MAML3: variants seen among roughly 807,000 people sequenced by gnomAD.
MAML3 encodes the protein mastermind-like protein 3.
A neutral mutation model predicts 101.9 loss-of-function variants in MAML3; 27 were observed. That is an observed-to-expected ratio of 0.27 (90% CI 0.20 to 0.37). The LOEUF is 0.37. Ranked by LOEUF, MAML3 falls within the 10% of genes least tolerant of loss-of-function variation. MAML3 has a pLI of 1.00. For synonymous variants in MAML3, 501 were observed against 555.9 expected (o/e 0.90, Z 1.39); for missense variants, 1,316 against 1,444.9 (o/e 0.91, Z 1.45).
At chr4:139,935,003 A>C (rs1733477221) in intron 1 of MAML3, among the ~76,000 whole-genome samples, 1 of 152,152 alleles carries the variant, frequency 6.6e-6, no homozygotes, top group African/African-American at 2.4e-5. Context: ...CATGTTTAGC[A>C]AAAGGTATCA....
intron 1 of MAML3, among the ~76,000 whole-genome samples, chr4:140,029,006 G>A (rs2276907): frequency 0.38 from 57,517 of 151,930 alleles, 13,272 homozygotes; most frequent in East Asian, 0.86. Flanking sequence ...TCCAGTCTTC[G>A]AGGTGAAACC....
At chr4:140,026,523 G>A (rs966245515) in intron 1 of MAML3, among the ~76,000 whole-genome samples, 4 of 152,002 alleles carry the variant, frequency 2.6e-5, no homozygotes, top group Admixed American at 2.6e-4. Flanking sequence ...CAAAGTGCTG[G>A]GATTACAGCC....
At chr4:139,874,805 C>CTTTTTTTTTT (rs35089838) in intron 2 of MAML3, among the ~76,000 whole-genome samples, 3 of 133,118 alleles carry the variant, frequency 2.3e-5, no homozygotes, top group African/African-American at 5.6e-5. Context: ...CCTATCTTTC[C>CTTTTTTTTTT]TTTTTTTTTT....
At chr4:139,994,786 G>GGT (rs59077923) in intron 1 of MAML3, among the ~76,000 whole-genome samples, 145 of 150,218 alleles carry the variant, frequency 9.7e-4, no homozygotes, top group African/African-American at 1.4e-3. Flanking sequence ...GCTGGTGGGG[G>GGT]GTGTGTGTGT....
chr4:139,900,036 A>G (rs12500600), intron 1 of MAML3, among the ~76,000 whole-genome samples: 42,160 of 150,218 alleles, frequency 0.28, 7,221 homozygotes, highest in East Asian at 0.57. Context: ...CAGAGTCCCA[A>G]GGGACTACGG....
At chr4:140,046,197 G>A (rs1257498443) in intron 1 of MAML3, among the ~76,000 whole-genome samples, 1 of 152,106 alleles carries the variant, frequency 6.6e-6, no homozygotes, top group Non-Finnish European at 1.5e-5. Context: ...AGAGTGATGG[G>A]GACCATTTCT....
At chr4:140,012,967 C>T (rs1322222070) in intron 1 of MAML3, among the ~76,000 whole-genome samples, 1 of 152,200 alleles carries the variant, frequency 6.6e-6, no homozygotes, top group Non-Finnish European at 1.5e-5. Flanking sequence ...CCGGTATCCA[C>T]GGAAATGACC....
At chr4:140,131,653 T>A (rs1728796411) in intron 1 of MAML3, among the ~76,000 whole-genome samples, 1 of 152,202 alleles carries the variant, frequency 6.6e-6, no homozygotes, top group Non-Finnish European at 1.5e-5. Flanking sequence ...TATTTCATTT[T>A]TTTCCCTCCC....
At chr4:140,035,891 C>T (rs1726979821) in intron 1 of MAML3, among the ~76,000 whole-genome samples, 1 of 152,148 alleles carries the variant, frequency 6.6e-6, no homozygotes, top group African/African-American at 2.4e-5. Flanking sequence ...CCCTTCGGAA[C>T]ACATTATCTA....
At chr4:139,981,933 T>A (rs1734452082) in intron 1 of MAML3, among the ~76,000 whole-genome samples, 1 of 152,238 alleles carries the variant, frequency 6.6e-6, no homozygotes, top group African/African-American at 2.4e-5. Flanking sequence ...ACGACTGATG[T>A]GAAGCTTCAT....
At chr4:139,884,311 A>G (rs1381809674) in intron 2 of MAML3, among the ~76,000 whole-genome samples, 1 of 152,240 alleles carries the variant, frequency 6.6e-6, no homozygotes, top group Non-Finnish European at 1.5e-5. Flanking sequence ...AGGGCATTCC[A>G]CAAATTCTGG....
At chr4:140,006,736 A>T (rs1726460140) in intron 1 of MAML3, among the ~76,000 whole-genome samples, 1 of 152,218 alleles carries the variant, frequency 6.6e-6, no homozygotes, top group Non-Finnish European at 1.5e-5. Context: ...GGCTAACTGC[A>T]TCCAACCATA....
At chr4:139,739,875 G>A (rs1470956581) in intron 2 of MAML3, among the ~76,000 whole-genome samples, 1 of 152,000 alleles carries the variant, frequency 6.6e-6, no homozygotes, top group Non-Finnish European at 1.5e-5. Flanking sequence ...AGCTTGTTAA[G>A]AATAAGGCTA....
chr4:139,842,146 G>A (rs1323805621), intron 2 of MAML3, among the ~76,000 whole-genome samples: 1 of 152,214 alleles, frequency 6.6e-6, no homozygotes, highest in Non-Finnish European at 1.5e-5. Flanking sequence ...AGCCTCTGCA[G>A]GGGTGATGCT....
intron 2 of MAML3, among the ~76,000 whole-genome samples, chr4:139,829,269 A>T (rs1425857673): frequency 1.3e-5 from 2 of 152,024 alleles, no homozygotes. Flanking sequence ...AGGAAGAAAG[A>T]AAGAAAAGAA....
intron 1 of MAML3, among the ~76,000 whole-genome samples, chr4:139,944,179 C>T (rs1733661420): frequency 6.6e-6 from 1 of 151,856 alleles, no homozygotes; most frequent in Admixed American, 6.6e-5. Flanking sequence ...CTAAAGACAA[C>T]ATTTTTTTTT....
intron 1 of MAML3, among the ~76,000 whole-genome samples, chr4:139,961,131 G>A (rs1465831047): frequency 6.6e-6 from 1 of 152,138 alleles, no homozygotes; most frequent in African/African-American, 2.4e-5. Flanking sequence ...CCCTGAAGAG[G>A]TGGCCTCTCT....
At chr4:139,818,111 A>G (rs1354952058) in intron 2 of MAML3, among the ~76,000 whole-genome samples, 1 of 152,176 alleles carries the variant, frequency 6.6e-6, no homozygotes, top group Admixed American at 6.5e-5. Context: ...AATTCTAACA[A>G]GTCCCCAGGT....
At position 139,720,200 on chromosome 4, in the gene MAML3, A is replaced by G; in HGVS notation, c.2540T>C (p.Met847Thr). 6.2e-7 allele frequency: 1 copy of G among 1,613,950 alleles called. No homozygotes were observed. Among genetic ancestry groups the G allele is most frequent in the Non-Finnish European group, 8.5e-7 (1 of 1,179,840 alleles). The change falls in exon 5 of 5, where the codon ATG becomes ACG. Residue 847 changes from methionine (M) to threonine (T), a missense_variant. Met to Thr is a moderately conservative substitution (Grantham distance 81, BLOSUM62 -1). Coordinates refer to ENST00000509479, the MANE Select transcript of MAML3 (RefSeq NM_018717.5). ...CTCCGACTGCGCAGCTGCGGTGGCC[A>G]TCGTCCCAGGGTTCTGGGAGGGTCC... is the stretch of plus-strand genomic sequence containing the variant. Reference protein sequence around the residue: ...GIGPSQNPGTMATAAAQSEMG... With the variant: ...GIGPSQNPGTTATAAAQSEMG...
Sources: allele counts gnomAD v4.1 joint callset (sites outside exome capture counted in the v4.1 genomes callset), GRCh38; gene constraint gnomAD v4.1.1; transcripts MANE v1.5; gene names NCBI Gene and HGNC (gene_info 2026-07-23, HGNC 2026-07-21).